MTUS2: variants seen among roughly 807,000 people sequenced by gnomAD.
MTUS2 encodes the protein microtubule associated scaffold protein 2, also known as microtubule-associated tumor suppressor candidate 2.
In MTUS2, 40 loss-of-function variants were observed where a neutral mutation model predicts 114.1. The ratio of observed to expected loss-of-function variants is 0.35; its 90% CI spans 0.27 to 0.46. The LOEUF (loss-of-function observed/expected upper bound fraction) is 0.46, where lower values mean the gene tolerates loss of function less well. MTUS2 is among the 20% of genes least tolerant of loss of function. The pLI, the probability that MTUS2 is intolerant of heterozygous loss-of-function variation, is 1.00. For synonymous variants in MTUS2, 688 were observed against 672.0 expected, an observed-to-expected ratio of 1.02 and a Z score of -0.37; for missense variants, 1,679 against 1,705.4, an observed-to-expected ratio of 0.98 and a Z score of 0.27.
chr13:29,497,195 T>C (rs1277529109), intron 12 of MTUS2, 43 bp from the exon 13 acceptor site: 2 of 1,557,660 alleles, frequency 1.3e-6, no homozygotes, highest in African/African-American at 2.7e-5. Flanking sequence ...GTGGCTGCTG[T>C]CTGTAGTGGC....
At chr13:29,398,647 AAGGAATAAAAGGAAAAGCTCCTAG>A (rs746923929) in intron 8 of MTUS2, among the ~76,000 whole-genome samples, 6 of 152,144 alleles carry the variant, frequency 3.9e-5, no homozygotes, top group Non-Finnish European at 8.8e-5. Flanking sequence ...ACTGCTGCAG[AAGGAATAAAAGGAAAAGCTCCTAG>A]AGGAATGGAT....
intron 5 of MTUS2, among the ~76,000 whole-genome samples, chr13:29,206,935 T>G (rs1404377735): frequency 6.6e-6 from 1 of 152,188 alleles, no homozygotes; most frequent in East Asian, 1.9e-4. Context: ...TTTTTCTAGT[T>G]CTTTGAAGAA....
chr13:29,482,384 C>A (rs1303165400), intron 10 of MTUS2: 2 of 152,172 alleles, frequency 1.3e-5, no homozygotes, highest in Non-Finnish European at 2.9e-5. Context: ...CAAACTGGAG[C>A]GATGAAAGGA....
intron 5 of MTUS2, among the ~76,000 whole-genome samples, chr13:29,128,264 C>T (rs1891603418): frequency 6.6e-6 from 1 of 151,848 alleles, no homozygotes; most frequent in Non-Finnish European, 1.5e-5. Flanking sequence ...TGCAGCGGGA[C>T]CAGAAAATAA....
intron 9 of MTUS2, among the ~76,000 whole-genome samples, chr13:29,445,147 C>T (rs996057610): frequency 6.6e-6 from 1 of 152,190 alleles, no homozygotes; most frequent in African/African-American, 2.4e-5. Flanking sequence ...AGATAATCTC[C>T]AATAGTTTTT....
chr13:28,979,939 G>T (rs1285176909), intron 2 of MTUS2, among the ~76,000 whole-genome samples: 6 of 152,144 alleles, frequency 3.9e-5, no homozygotes, highest in African/African-American at 1.4e-4. Context: ...TCCCTTAAAA[G>T]AAGTAAACAT....
intron 5 of MTUS2, among the ~76,000 whole-genome samples, chr13:29,214,028 A>C (rs779766300): frequency 1.3e-5 from 2 of 151,070 alleles, no homozygotes; most frequent in Non-Finnish European, 3.0e-5. Context: ...GTATGTTTTT[A>C]TCCTTTAACT....
chr13:29,165,630 T>G (rs1278926638), intron 5 of MTUS2, among the ~76,000 whole-genome samples: 1 of 152,240 alleles, frequency 6.6e-6, no homozygotes, highest in Non-Finnish European at 1.5e-5. Context: ...CTTGCTGTGT[T>G]TTCAAATAAG....
intron 4 of MTUS2, among the ~76,000 whole-genome samples, chr13:29,056,482 G>T (rs1458521337): frequency 3.3e-5 from 5 of 151,974 alleles, no homozygotes; most frequent in African/African-American, 1.2e-4. Flanking sequence ...GTCTTTTTCG[G>T]TTGGTAAGCT....
intron 6 of MTUS2, among the ~76,000 whole-genome samples, chr13:29,321,597 G>C (rs1900257861): frequency 6.6e-6 from 1 of 152,132 alleles, no homozygotes; most frequent in South Asian, 2.1e-4. Flanking sequence ...GGACTGCTTG[G>C]ACTAGACTTA....
chr13:29,203,562 A>G (rs1300229642), intron 5 of MTUS2, among the ~76,000 whole-genome samples: 1 of 93,578 alleles, frequency 1.1e-5, no homozygotes, highest in African/African-American at 3.8e-5. Flanking sequence ...TGGGGTATGA[A>G]AAAAAAAAAA....
intron 5 of MTUS2, among the ~76,000 whole-genome samples, chr13:29,275,319 A>G (rs1898023214): frequency 1.3e-5 from 2 of 152,254 alleles, no homozygotes. Flanking sequence ...ATAATAATCA[A>G]ATCAGGTAAA....
chr13:29,025,014 A>C lies in MTUS2; in HGVS notation c.316A>C (p.Arg106=). Residue 106 remains arginine, a synonymous_variant, in exon 3 of 16, where the codon AGG becomes CGG. Coordinates refer to ENST00000612955, the MANE Select transcript of MTUS2 (RefSeq NM_001033602.4). Reference sequence around the variant, plus strand: ...TTTTAGACTTTCTTCAACCATTCAGAGGGAACTCAATGAAGAGCACACAGT... The same window carrying C: ...TTTTAGACTTTCTTCAACCATTCAGCGGGAACTCAATGAAGAGCACACAGT... ...KDFRLSSTIQ[R]ELNEEHTVER... 2 of 1,613,990 alleles carry C rather than the reference A, an allele frequency of 1.2e-6. No individual in the cohort carries two copies. Among genetic ancestry groups the C allele is most frequent in the Non-Finnish European group, 1.7e-6 (2 of 1,179,898 alleles).
At chr13:29,495,913 T>C (rs1435249678) in intron 12 of MTUS2, among the ~76,000 whole-genome samples, 1 of 151,182 alleles carries the variant, frequency 6.6e-6, no homozygotes, top group Non-Finnish European at 1.5e-5. Flanking sequence ...TCTCTCTTTA[T>C]ATGTGTGTGT....
Position 29,237,199 on chromosome 13 carries a change from T to C in MTUS2, c.2645-44505T>C, listed in dbSNP as rs1007356442. On this transcript the variant is annotated intron_variant, in intron 5 of 15. Coordinates refer to ENST00000612955, the MANE Select transcript of MTUS2 (RefSeq NM_001033602.4). ...GGTTCTTTAACATTTTAGAATCTTT[T>C]GACTATGGGCTCATGTTCATTTGTG... Among the ~76,000 whole-genome samples the C allele has an allele frequency of 2.0e-5, 3 of 152,210 alleles. No individual in the cohort carries two copies. In the East Asian group the frequency reaches 5.8e-4, roughly 29 times the overall value.
intron 4 of MTUS2, among the ~76,000 whole-genome samples, chr13:29,075,980 C>T (rs1889176364): frequency 6.6e-6 from 1 of 152,178 alleles, no homozygotes; most frequent in Non-Finnish European, 1.5e-5. Flanking sequence ...AGATAGGTAG[C>T]ATCTTCAAAA....
chr13:29,321,052 A>G (rs1368063874), intron 6 of MTUS2, among the ~76,000 whole-genome samples: 3 of 152,224 alleles, frequency 2.0e-5, no homozygotes, highest in African/African-American at 7.2e-5. Flanking sequence ...GTCATCAAAT[A>G]GATAAGCAGT....
chr13:29,360,700 CCG>C (rs1870165785), intron 8 of MTUS2, among the ~76,000 whole-genome samples: 2 of 103,982 alleles, frequency 1.9e-5, no homozygotes, highest in Admixed American at 1.1e-4. Flanking sequence ...CCCCCCCCCC[CCG>C]TAAGAATTAA....
At chr13:28,875,941 G>A (rs778069691) in intron 2 of MTUS2, among the ~76,000 whole-genome samples, 2 of 152,182 alleles carry the variant, frequency 1.3e-5, no homozygotes, top group African/African-American at 4.8e-5. Flanking sequence ...ATGAGACTTG[G>A]CTGGGTAGCG....
Sources: allele counts gnomAD v4.1 joint callset (sites outside exome capture counted in the v4.1 genomes callset), GRCh38; gene constraint gnomAD v4.1.1; transcripts MANE v1.5; gene names NCBI Gene and HGNC (gene_info 2026-07-23, HGNC 2026-07-21).